The following PRAMEF17 variants were observed in gnomAD, a reference collection of about 807,000 sequenced individuals.
PRAMEF17 encodes the protein PRAME family member 17.
In PRAMEF17, 48 loss-of-function variants were observed where a neutral mutation model predicts 36.8. The ratio of observed to expected loss-of-function variants is 1.30; its 90% CI spans 1.03 to 1.66. The LOEUF is 1.66. Ranked by LOEUF, PRAMEF17 falls within the 40% of genes most tolerant of loss-of-function variation. The pLI, the probability that PRAMEF17 is intolerant of heterozygous loss-of-function variation, is 0.00. For missense variants in PRAMEF17, 639 were observed against 560.6 expected (o/e 1.14, Z -1.41); for synonymous variants, 246 against 220.4 (o/e 1.12, Z -1.03).
chr1:13,392,317 GC>G lies in PRAMEF17; in HGVS notation c.1244del (p.Pro415LeufsTer23). On this transcript the variant is annotated frameshift_variant, in exon 3 of 3. Coordinates refer to ENST00000376098, the MANE Select transcript of PRAMEF17 (RefSeq NM_001099851.3). LOFTEE classifies it high-confidence loss of function. ...LSKLGLELYP[A>X]PLECLDNRGH... is the part of the protein sequence containing the mutation. ...CAAGTTAGGTCTGGAGTTGTATCCT[GC>G]CCCTCTGGAGTGTCTTGACAACAGG... The G allele has an allele frequency of 6.2e-7, 1 of 1,611,986 alleles. No homozygotes were observed. The highest frequency in any genetic ancestry group is 8.5e-7 in the Non-Finnish European group (1 of 1,179,856).
At chr1:13,390,005 C>T (rs1490407259) in intron 1 of PRAMEF17, 61 bp downstream of exon 1, 40 of 1,610,624 alleles carry the variant, frequency 2.5e-5, no homozygotes, top group Non-Finnish European at 3.1e-5. Context: ...GGACAGCTGG[C>T]TCAGGAGGAG....
rs778334593 is a variant in PRAMEF17 at position 13,392,238 on chromosome 1, T to G, written c.1161T>G (p.Asn387Lys). Residue 387 changes from asparagine to lysine, a missense_variant, in exon 3 of 3, where the codon AAT becomes AAG. Asn to Lys is a moderately conservative substitution (Grantham distance 94). Coordinates refer to ENST00000376098, the MANE Select transcript of PRAMEF17 (RefSeq NM_001099851.3). ...SQLTTFYFRG[N>K]ETSTNALKDL... ...TCACCACCTTCTACTTTCGCGGAAA[T>G]GAGACCTCCACGAATGCTCTGAAAG... The G allele has an allele frequency of 1.2e-6, 2 of 1,611,940 alleles. No individual in the cohort carries two copies. The highest frequency in any genetic ancestry group is 2.2e-5 in the East Asian group (1 of 44,854).
rs1311863358 is a variant in PRAMEF17 at position 13,392,354 on chromosome 1, A to G, written c.1277A>G (p.Asn426Ser). Residue 426 changes from asparagine (N) to serine (S), a missense_variant, in exon 3 of 3, where the codon AAT becomes AGT. By Grantham distance (46) the Asn-to-Ser change is conservative (BLOSUM62 1). Coordinates refer to ENST00000376098, the MANE Select transcript of PRAMEF17 (RefSeq NM_001099851.3). ...TGTCTTGACAACAGGGGTCATGTCA[A>G]TTGGGAGATCCTCGCCCCAATTCGG... Reference protein sequence around the residue: ...LECLDNRGHVNWEILAPIRAE... With the variant: ...LECLDNRGHVSWEILAPIRAE... 4.3e-6 allele frequency: 7 copies of G among 1,611,750 alleles called. No individual in the cohort carries two copies. The highest frequency in any genetic ancestry group is 1.1e-5 in the South Asian group (1 of 90,980).
intron 1 of PRAMEF17, 30 bp downstream of exon 1, chr1:13,389,974 G>A (rs1640858325): frequency 9.3e-6 from 15 of 1,612,226 alleles, no homozygotes; most frequent in Non-Finnish European, 1.2e-5. Flanking sequence ...CTGGTGGGAA[G>A]GGTCCAGGCA....
intron 1 of PRAMEF17, 136 bp from the exon 2 acceptor site, chr1:13,390,205 G>A: frequency 6.9e-7 from 1 of 1,456,990 alleles, no homozygotes; most frequent in Non-Finnish European, 9.4e-7. Context: ...CCAAGGGGGA[G>A]CGGGATGGAG....
At position 13,392,407 on chromosome 1, in the gene PRAMEF17, G is replaced by A. The variant is rs770338820; in HGVS notation, c.1330G>A (p.Val444Ile). ...RAELMCTLREVRQPKRIFFGP... is the reference protein window; with the variant it reads ...RAELMCTLREIRQPKRIFFGP... Reference sequence around the variant, plus strand: ...TGAGCTGATGTGTACACTCAGGGAAGTCAGGCAGCCCAAGAGGATCTTTTT... The same window carrying A: ...TGAGCTGATGTGTACACTCAGGGAAATCAGGCAGCCCAAGAGGATCTTTTT... The change falls in exon 3 of 3, where the codon GTC becomes ATC. Residue 444 changes from valine to isoleucine, a missense_variant. Val to Ile is a conservative substitution (Grantham distance 29). Transcript: ENST00000376098. The A allele has an allele frequency of 1.9e-6, 3 of 1,611,970 alleles. No homozygotes were observed. The highest frequency in any genetic ancestry group is 4.5e-5 in the East Asian group (2 of 44,872).
rs1474609617 is a variant in PRAMEF17 at position 13,392,607 on chromosome 1, A to G, written c.*105A>G. On this transcript the variant is annotated 3_prime_UTR_variant, in exon 3 of 3. Transcript: ENST00000376098. ...TGTTTTTTTGTTTTTTTTTTGATGGAGTCTCGCTCTGTCCCTCAGGCTAAA... is the reference window on the plus strand; with the variant it reads ...TGTTTTTTTGTTTTTTTTTTGATGGGGTCTCGCTCTGTCCCTCAGGCTAAA... The G allele has an allele frequency of 1.3e-6, 2 of 1,484,460 alleles. No homozygotes were observed. Among genetic ancestry groups the G allele is most frequent in the African/African-American group, 1.4e-5 (1 of 70,632 alleles). The allele number at this position is 1,484,460 out of a possible 1,614,324, so 92.0% of individuals were successfully genotyped here.
Position 13,392,591 on chromosome 1 carries a change from G to GGT in PRAMEF17, c.*89_*90insGT. 1 of 1,422,688 alleles carries GGT rather than the reference G, an allele frequency of 7.0e-7. No individual in the cohort carries two copies. The highest frequency in any genetic ancestry group is 9.5e-7 in the Non-Finnish European group (1 of 1,050,400). 88.1% of individuals were successfully genotyped at this position (1,422,688 alleles called of 1,614,324 possible). ...CACAGGTGGGTTTTTTTGTTTTTTT[G>GGT]TTTTTTTTTTGATGGAGTCTCGCTC... On this transcript the variant is annotated 3_prime_UTR_variant, in exon 3 of 3. Transcript: ENST00000376098.
At chr1:13,390,149 C>T (rs1218804426) in intron 1 of PRAMEF17, among the ~76,000 whole-genome samples, 192 bp from the exon 2 acceptor site, 2 of 152,120 alleles carry the variant, frequency 1.3e-5, no homozygotes, top group Non-Finnish European at 2.9e-5. Flanking sequence ...AACCTGCTTC[C>T]TCCCAGTGGA....
chr1:13,390,425 C>T lies in PRAMEF17; in HGVS notation c.372C>T (p.Cys124=). The change falls in exon 2 of 3, where the codon TGC becomes TGT. Residue 124 remains cysteine, a synonymous_variant. Transcript: ENST00000376098. ...GGTCTGGAGCCAGGGCCCTCTCCTG[C>T]TCCCCAGAGGCCATGAGTAAGAGGC... The part of the protein sequence containing the change: ...TIWSGARALS[C]SPEAMSKRQT... 6.2e-7 allele frequency: 1 copy of T among 1,611,986 alleles called. No homozygotes were observed. Among genetic ancestry groups the T allele is most frequent in the Non-Finnish European group, 8.5e-7 (1 of 1,179,852 alleles).
rs765971808 is a variant in PRAMEF17, at chr1:13,390,572, C to T, written c.519C>T (p.Tyr173=). 1.9e-6 allele frequency: 3 copies of T among 1,611,870 alleles called. No homozygotes were observed. Among genetic ancestry groups the T allele is most frequent in the Non-Finnish European group, 2.5e-6 (3 of 1,179,880 alleles). Residue 173 remains tyrosine (Y), a synonymous_variant, in exon 2 of 3, where the codon TAC becomes TAT. Coordinates refer to ENST00000376098, the MANE Select transcript of PRAMEF17 (RefSeq NM_001099851.3). ...CLSYLCRWIH[Y]RRGLVHLCCN... ...GCTACCTCTGCAGGTGGATCCACTA[C>T]AGAAGAGGTCTAGTGCACCTGTGTT...
rs1640872023 is a variant in PRAMEF17, at chr1:13,390,897, G to C, written c.844G>C (p.Glu282Gln). ...TATAAGAAAGATCAGTAATATCAAA[G>C]AGCACCTGGAGCACCTGCTCAGGTA... ...LYIRKISNIK[E>Q]HLEHLLRCLK... Residue 282 changes from glutamate to glutamine, a missense_variant, in exon 2 of 3, where the codon GAG (glutamate) becomes CAG (glutamine). Transcript: ENST00000376098. 5.0e-6 allele frequency: 8 copies of C among 1,611,710 alleles called. No individual in the cohort carries two copies. Among genetic ancestry groups the C allele is most frequent in the Non-Finnish European group, 1.7e-6 (2 of 1,179,786 alleles).
At position 13,390,104 on chromosome 1, in the gene PRAMEF17, A is replaced by T. The variant is rs1257666515; in HGVS notation, c.287+160A>T. On this transcript the variant is annotated intron_variant, in intron 1 of 2. Transcript: ENST00000376098. ...CATTGCCCAGATCCTCTGGAAAAGG[A>T]CTGCTCACCATACAGGGTCCACTGA... Among the ~76,000 whole-genome samples the T allele has an allele frequency of 7.9e-5, 12 of 152,102 alleles. No individual in the cohort carries two copies. In the East Asian group the frequency reaches 2.3e-3, roughly 29 times the overall value.
intron 1 of PRAMEF17, 130 bp from the exon 2 acceptor site, chr1:13,390,211 T>G (rs1488140677): frequency 6.8e-7 from 1 of 1,469,440 alleles, no homozygotes; most frequent in Non-Finnish European, 9.4e-7. Context: ...GGGAGCGGGA[T>G]GGAGAAGAGA....
In PRAMEF17 at chr1:13,390,483, C is replaced by T. The variant is rs764569655; in HGVS notation, c.430C>T (p.His144Tyr). ...GGAGGACTATCCAAGGACGGGAGAG[C>T]ACCAGCCCTTGAAGGTGTTCATAGA... is the stretch of plus-strand genomic sequence containing the variant. ...TVEDYPRTGE[H>Y]QPLKVFIDLC... Residue 144 changes from histidine to tyrosine, a missense_variant, in exon 2 of 3, where the codon CAC becomes TAC. By Grantham distance (83) the His-to-Tyr change is moderately conservative. Coordinates refer to ENST00000376098, the MANE Select transcript of PRAMEF17 (RefSeq NM_001099851.3). 1.9e-5 allele frequency: 31 copies of T among 1,611,858 alleles called. No individual in the cohort carries two copies. In the East Asian group the frequency reaches 4.7e-4, roughly 24 times the overall value.
Position 13,392,571 on chromosome 1 carries a change from G to T in PRAMEF17, c.*69G>T. 3 of 1,584,798 alleles carry T rather than the reference G, an allele frequency of 1.9e-6. No individual in the cohort carries two copies. The highest frequency in any genetic ancestry group is 2.6e-6 in the Non-Finnish European group (3 of 1,170,852). On this transcript the variant is annotated 3_prime_UTR_variant, in exon 3 of 3. Coordinates refer to ENST00000376098, the MANE Select transcript of PRAMEF17 (RefSeq NM_001099851.3). ...TTAGGCACTAAAATCTAGGACACAG[G>T]TGGGTTTTTTTGTTTTTTTGTTTTT...
intron 2 of PRAMEF17, 85 bp from the exon 3 acceptor site, chr1:13,391,859 A>C: frequency 1.3e-6 from 2 of 1,565,758 alleles, no homozygotes; most frequent in Non-Finnish European, 1.7e-6. Context: ...CTCAATGCCC[A>C]CTTCAAGTTT....
At position 13,389,755 on chromosome 1, in the gene PRAMEF17, G is replaced by C; in HGVS notation, c.98G>C (p.Arg33Thr). ...LTIFILDELP[R>T]EVFPLMFMEA... Reference sequence around the variant, plus strand: ...ATCTTCATCCTGGACGAGCTGCCCAGGGAGGTCTTCCCTCTGATGTTCATG... The same window carrying C: ...ATCTTCATCCTGGACGAGCTGCCCACGGAGGTCTTCCCTCTGATGTTCATG... Residue 33 changes from arginine (R) to threonine (T), a missense_variant, in exon 1 of 3, where the codon AGG becomes ACG. Transcript: ENST00000376098. 1.2e-6 allele frequency: 2 copies of C among 1,612,504 alleles called. No individual in the cohort carries two copies. Among genetic ancestry groups the C allele is most frequent in the Non-Finnish European group, 1.7e-6 (2 of 1,180,028 alleles).
At position 13,390,726 on chromosome 1, in the gene PRAMEF17, G is replaced by T; in HGVS notation, c.673G>T (p.Ala225Ser). The stretch of plus-strand genomic sequence containing the variant: ...CTCTCTGAATAAAACAGGAAAGTTT[G>T]CCCCTTACTTGAGCCAGATGAGCAA... ...KCSLNKTGKF[A>S]PYLSQMSNLR... Residue 225 changes from alanine (A) to serine (S), a missense_variant, in exon 2 of 3, where the codon GCC (alanine) becomes TCC (serine). By Grantham distance (99) the Ala-to-Ser change is moderately conservative. Transcript: ENST00000376098. 5 of 1,611,998 alleles carry T rather than the reference G, an allele frequency of 3.1e-6. No homozygotes were observed. The highest frequency in any genetic ancestry group is 2.2e-5 in the South Asian group (2 of 90,990).
Sources: gnomAD v4.1 joint callset for allele counts (sites outside exome capture counted in the v4.1 genomes callset) on GRCh38, gnomAD v4.1.1 for gene constraint, MANE v1.5 for transcripts, NCBI Gene and HGNC (gene_info 2026-07-23, HGNC 2026-07-21) for gene names.